Variants in EPHA3 observed in about 807,000 individuals in gnomAD.
The protein encoded by EPHA3 is ephrin type-A receptor 3.
Under a neutral mutation model 107.1 loss-of-function variants are expected in EPHA3, and 42 were observed. That is an observed-to-expected ratio of 0.39 (90% CI 0.31 to 0.51). The LOEUF (loss-of-function observed/expected upper bound fraction) is 0.51. Ranked by LOEUF, EPHA3 falls within the 20% of genes least tolerant of loss-of-function variation. The pLI is 0.78. For missense variants in EPHA3, 1,183 were observed against 1,211.2 expected (o/e 0.98, Z 0.35); for synonymous variants, 461 against 424.8 (o/e 1.09, Z -1.05).
chr3:89,390,321 G>A (rs1307906472), intron 5 of EPHA3, among the ~76,000 whole-genome samples: 7 of 152,200 alleles, frequency 4.6e-5, no homozygotes, highest in Admixed American at 2.6e-4. Context: ...TACTTTGGCC[G>A]GGTGTGGTGG....
intron 3 of EPHA3, among the ~76,000 whole-genome samples, chr3:89,312,652 G>C (rs974872264): frequency 3.3e-5 from 5 of 151,632 alleles, no homozygotes; most frequent in African/African-American, 1.2e-4. Context: ...TCTATCATGG[G>C]AGTTTGTTGA....
intron 10 of EPHA3, among the ~76,000 whole-genome samples, chr3:89,418,836 T>G (rs1709300141): frequency 1.3e-5 from 2 of 151,472 alleles, no homozygotes; most frequent in South Asian, 4.1e-4. Context: ...TCACATTTAA[T>G]CACTGTTGGT....
chr3:89,117,432 CTG>C (rs1707283432), intron 1 of EPHA3, among the ~76,000 whole-genome samples: 1 of 152,038 alleles, frequency 6.6e-6, no homozygotes, highest in Non-Finnish European at 1.5e-5. Flanking sequence ...ATTAATAAAA[CTG>C]TATAGCTTTT....
chr3:89,416,714 G>A (rs576444777), intron 10 of EPHA3, among the ~76,000 whole-genome samples: 4 of 151,388 alleles, frequency 2.6e-5, no homozygotes, highest in Non-Finnish European at 5.9e-5. Context: ...ATTACTAAAT[G>A]TGGGGAATTT....
At chr3:89,211,764 C>A (rs865937318) in intron 3 of EPHA3, among the ~76,000 whole-genome samples, 10 of 127,048 alleles carry the variant, frequency 7.9e-5, no homozygotes, top group African/African-American at 3.2e-4. Context: ...TCTTCTTCTT[C>A]TTCTTCTTCT....
intron 5 of EPHA3, among the ~76,000 whole-genome samples, chr3:89,373,932 G>A (rs1708353145): frequency 6.6e-6 from 1 of 151,734 alleles, no homozygotes; most frequent in Admixed American, 6.6e-5. Context: ...GTCAAATAGA[G>A]TCCATTTGGT....
intron 3 of EPHA3, among the ~76,000 whole-genome samples, chr3:89,305,283 TA>T (rs1283587132): frequency 6.6e-6 from 1 of 152,122 alleles, no homozygotes; most frequent in African/African-American, 2.4e-5. Flanking sequence ...TCATAGCAAA[TA>T]AAAATTATCA....
intron 3 of EPHA3, among the ~76,000 whole-genome samples, chr3:89,294,700 T>G (rs1192293955): frequency 6.6e-6 from 1 of 152,172 alleles, no homozygotes; most frequent in Non-Finnish European, 1.5e-5. Context: ...TATTCCTTAT[T>G]TGTATTTCAG....
chr3:89,413,551 T>C (rs72923609), intron 10 of EPHA3, among the ~76,000 whole-genome samples: 5,015 of 151,806 alleles, frequency 0.033, 285 homozygotes, highest in African/African-American at 0.11. Flanking sequence ...AAAACCTATT[T>C]GGCTAAATAA....
intron 2 of EPHA3, among the ~76,000 whole-genome samples, chr3:89,163,413 G>T (rs1342421009): frequency 6.6e-6 from 1 of 151,990 alleles, no homozygotes; most frequent in Non-Finnish European, 1.5e-5. Flanking sequence ...AAATAAGAAA[G>T]CTTTCCCAGA....
intron 3 of EPHA3, among the ~76,000 whole-genome samples, chr3:89,265,123 T>C (rs1386628029): frequency 6.6e-6 from 1 of 152,144 alleles, no homozygotes; most frequent in Non-Finnish European, 1.5e-5. Context: ...CTCCCATAGG[T>C]GTTTTGGCCT....
At chr3:89,131,489 C>T (rs971804197) in intron 2 of EPHA3, among the ~76,000 whole-genome samples, 3 of 152,098 alleles carry the variant, frequency 2.0e-5, no homozygotes, top group Non-Finnish European at 2.9e-5. Context: ...CTATCTACCA[C>T]GTAAACTTTC....
intron 3 of EPHA3, among the ~76,000 whole-genome samples, chr3:89,281,489 T>C (rs1316176894): frequency 6.6e-6 from 1 of 152,184 alleles, no homozygotes; most frequent in Non-Finnish European, 1.5e-5. Context: ...TTCTCCATTA[T>C]TGATACTGTG....
intron 2 of EPHA3, among the ~76,000 whole-genome samples, chr3:89,194,793 G>A: frequency 6.6e-6 from 1 of 151,974 alleles, no homozygotes; most frequent in East Asian, 1.9e-4. Context: ...CTTCTCTCCA[G>A]CAACTCTGAC....
At chr3:89,434,072 T>C (rs1173961205) in intron 13 of EPHA3, among the ~76,000 whole-genome samples, 3 of 152,214 alleles carry the variant, frequency 2.0e-5, no homozygotes, top group African/African-American at 7.2e-5. Context: ...ACTTATATTG[T>C]CCGTGTTACA....
At chr3:89,454,986 C>CT (rs1432737572) in intron 15 of EPHA3, among the ~76,000 whole-genome samples, 2 of 152,022 alleles carry the variant, frequency 1.3e-5, no homozygotes, top group Admixed American at 1.3e-4. Context: ...GAGCAAGACA[C>CT]TGTCTCTTGA....
chr3:89,320,641 T>C (rs1707021234), intron 3 of EPHA3, among the ~76,000 whole-genome samples: 1 of 151,968 alleles, frequency 6.6e-6, no homozygotes, highest in African/African-American at 2.4e-5. Flanking sequence ...ATTTTTTAAA[T>C]CTTTGTTTAC....
At chr3:89,279,423 A>T (rs1215211752) in intron 3 of EPHA3, among the ~76,000 whole-genome samples, 1 of 152,176 alleles carries the variant, frequency 6.6e-6, no homozygotes, top group East Asian at 1.9e-4. Flanking sequence ...TGCCATCATT[A>T]ATTAATTTTA....
chr3:89,225,379 G>A (rs1319639559), intron 3 of EPHA3, among the ~76,000 whole-genome samples: 2 of 152,008 alleles, frequency 1.3e-5, no homozygotes, highest in African/African-American at 2.4e-5. Context: ...CACTAGATAC[G>A]AAAGTAAACC....
Sources: gnomAD v4.1 joint callset for allele counts (sites outside exome capture counted in the v4.1 genomes callset) on GRCh38, gnomAD v4.1.1 for gene constraint, MANE v1.5 for transcripts, NCBI Gene and HGNC (gene_info 2026-07-23, HGNC 2026-07-21) for gene names.